ELFN1: variants seen among roughly 807,000 people sequenced by gnomAD.
ELFN1 encodes the protein protein ELFN1.
In ELFN1, 6 loss-of-function variants were observed where a neutral mutation model predicts 7.6. The ratio of observed to expected loss-of-function variants is 0.79; its 90% confidence interval spans 0.43 to 1.56. The LOEUF (loss-of-function observed/expected upper bound fraction) is 1.56, where lower values mean the gene tolerates loss of function less well. Among genes scored for constraint, ELFN1 ranks in the 40% most tolerant of loss-of-function variants. The pLI, the probability that ELFN1 is intolerant of heterozygous loss-of-function variation, is 0.01. For synonymous variants in ELFN1, 657 were observed against 588.1 expected, an observed-to-expected ratio of 1.12 and a Z score of -1.70; for missense variants, 1,169 against 1,232.2, an observed-to-expected ratio of 0.95 and a Z score of 0.77.
At chr7:1,679,834 C>G (rs1386137836) in intron 1 of ELFN1, among the ~76,000 whole-genome samples, 1 of 152,256 alleles carries the variant, frequency 6.6e-6, no homozygotes, top group African/African-American at 2.4e-5. Context: ...GTGGTGTCCC[C>G]AGTCCTCTGA....
chr7:1,707,687 C>T (rs1779564919), intron 2 of ELFN1, among the ~76,000 whole-genome samples: 1 of 152,228 alleles, frequency 6.6e-6, no homozygotes, highest in African/African-American at 2.4e-5. Flanking sequence ...CAAATACACA[C>T]CATTATTATT....
At position 1,740,550 on chromosome 7, in the gene ELFN1, A is replaced by C. The variant is rs1400792424; in HGVS notation, c.-293-3754A>C. On this transcript the variant is annotated intron_variant, in intron 3 of 3. Transcript: ENST00000424383. The surrounding 1 kb of genome is among the most constrained non-coding windows in gnomAD (Gnocchi z 5.0). ...GCATCGAGAGTGACTTGAGTGAGCG[A>C]GCCCAGCTGGAAAGGGCTTTGGGGG... 6.6e-6 allele frequency among the ~76,000 whole-genome samples: 1 copy of C among 152,154 alleles called. No homozygotes were observed. The highest frequency in any genetic ancestry group is 1.5e-5 in the Non-Finnish European group (1 of 68,020).
intron 2 of ELFN1, among the ~76,000 whole-genome samples, chr7:1,696,293 A>G (rs1317428304): frequency 6.7e-6 from 1 of 149,772 alleles, no homozygotes; most frequent in Non-Finnish European, 1.5e-5. Flanking sequence ...AGAGAGAGAG[A>G]GAGGGAGAGA....
At position 1,744,673 on chromosome 7, in the gene ELFN1, G is replaced by T. The variant is rs765480745; in HGVS notation, c.77G>T (p.Arg26Leu). The T allele has an allele frequency of 2.3e-5, 35 of 1,550,784 alleles. No individual in the cohort carries two copies. Among genetic ancestry groups the T allele is most frequent in the Non-Finnish European group, 3.0e-5 (34 of 1,146,830 alleles). ...CTGCTGCACGCTGGCGGCCTGGCCC[G>T]CGCAGACTGCTGGCTGATCGAGGGC... The part of the protein sequence containing the change: ...ATLLHAGGLA[R>L]ADCWLIEGDK... The change falls in exon 4 of 4, where the codon CGC becomes CTC. Residue 26 changes from arginine (R) to leucine (L), a missense_variant. Physicochemically the swap from Arg to Leu is moderately radical, Grantham distance 102. Around this residue, in one of 2 missense-constraint regions of ELFN1, gnomAD observed 255 missense variants for 359.6 expected, o/e 0.71. Coordinates refer to ENST00000424383, the MANE Select transcript of ELFN1 (RefSeq NM_001128636.4).
In ELFN1 at chr7:1,744,926, G is replaced by A. The variant is rs770198560; in HGVS notation, c.330G>A (p.Leu110=). ...GCGCCTTCTCGGGCCAGTTCAACCT[G>A]CAGGTGCTGCAGCTGGGCTACAACC... ...EDGAFSGQFN[L]QVLQLGYNRL... is the part of the protein sequence containing the mutation. The change falls in exon 4 of 4, where the codon CTG becomes CTA. Residue 110 remains leucine (L), a synonymous_variant. Coordinates refer to ENST00000424383, the MANE Select transcript of ELFN1 (RefSeq NM_001128636.4). 3 of 1,552,358 alleles carry A rather than the reference G, an allele frequency of 1.9e-6. No homozygotes were observed. In the African/African-American group the frequency reaches 4.1e-5, roughly 21 times the overall value.
rs965001598 is a variant in ELFN1 at position 1,740,570 on chromosome 7, T to TG, written c.-293-3727dup. Among the ~76,000 whole-genome samples, 13 of 152,092 alleles carry TG rather than the reference T, an allele frequency of 8.5e-5. No homozygotes were observed. The highest frequency in any genetic ancestry group is 2.0e-4 in the Admixed American group (3 of 15,272). ...GAGCGAGCCCAGCTGGAAAGGGCTTTGGGGGGGCCTGTGGTCTGTCCAGAA... is the reference window on the plus strand; with the variant it reads ...GAGCGAGCCCAGCTGGAAAGGGCTTTGGGGGGGGCCTGTGGTCTGTCCAGAA... On this transcript the variant is annotated intron_variant, in intron 3 of 3. Transcript: ENST00000424383. This position sits in a 1 kb window ranked among gnomAD's most constrained non-coding sequence, Gnocchi z 5.0.
At chr7:1,685,221 A>G (rs181167771) in intron 1 of ELFN1, among the ~76,000 whole-genome samples, 2 of 152,278 alleles carry the variant, frequency 1.3e-5, no homozygotes, top group African/African-American at 4.8e-5. Flanking sequence ...GACACTGTGA[A>G]TCAATTTTCT....
At chr7:1,675,315 C>A (rs1284602166) in intron 1 of ELFN1, among the ~76,000 whole-genome samples, 1 of 152,212 alleles carries the variant, frequency 6.6e-6, no homozygotes, top group African/African-American at 2.4e-5. Context: ...GGCCAGGTGG[C>A]GGCCGAGGGC....
chr7:1,703,382 T>G (rs1214288154), intron 2 of ELFN1, among the ~76,000 whole-genome samples: 1 of 152,246 alleles, frequency 6.6e-6, no homozygotes, highest in Non-Finnish European at 1.5e-5. Flanking sequence ...TTATTTTTAT[T>G]TGGTCAAATC....
intron 3 of ELFN1, among the ~76,000 whole-genome samples, chr7:1,721,113 C>T (rs1334526204): frequency 6.6e-6 from 1 of 152,242 alleles, no homozygotes; most frequent in Non-Finnish European, 1.5e-5. Flanking sequence ...TCTGGCATTA[C>T]TGTAATGAGC....
chr7:1,700,271 T>A (rs1374110058), intron 2 of ELFN1, among the ~76,000 whole-genome samples: 1 of 152,156 alleles, frequency 6.6e-6, no homozygotes, highest in Non-Finnish European at 1.5e-5. Context: ...GTGAACTTTG[T>A]GTGAATGCAT....
At chr7:1,698,194 C>A (rs187736041) in intron 2 of ELFN1, among the ~76,000 whole-genome samples, 1 of 152,322 alleles carries the variant, frequency 6.6e-6, no homozygotes, top group Non-Finnish European at 1.5e-5. Flanking sequence ...GAACCTCAGC[C>A]TTCATTTCAG....
At chr7:1,712,355 C>T (rs1449385988) in intron 3 of ELFN1, among the ~76,000 whole-genome samples, 2 of 151,770 alleles carry the variant, frequency 1.3e-5, no homozygotes, top group East Asian at 1.9e-4. Flanking sequence ...CTCCTGACCT[C>T]GTGATCTGCC....
Position 1,747,943 on chromosome 7 carries a change from C to G in ELFN1, c.*860C>G, listed in dbSNP as rs1246051356. 3 of 160,962 alleles carry G rather than the reference C, an allele frequency of 1.9e-5. No homozygotes were observed. The highest frequency in any genetic ancestry group is 1.3e-4 in the Admixed American group (2 of 14,870). 10.0% of individuals were successfully genotyped at this position (160,962 alleles called of 1,614,324 possible). A position where few individuals can be genotyped will look rare whatever the true frequency, so the allele number is the denominator to read the frequency against. On this transcript the variant is annotated 3_prime_UTR_variant, in exon 4 of 4. Coordinates refer to ENST00000424383, the MANE Select transcript of ELFN1 (RefSeq NM_001128636.4). The stretch of plus-strand genomic sequence containing the variant: ...AAAAAATCTGCAAAGGAAAACAAAT[C>G]AAATGCTTGTTTGTCCTGGGTTTTT...
intron 3 of ELFN1, among the ~76,000 whole-genome samples, chr7:1,721,207 T>C (rs1780011654): frequency 6.6e-6 from 1 of 152,168 alleles, no homozygotes; most frequent in South Asian, 2.1e-4. Flanking sequence ...GGGAGGCAGT[T>C]ACATGGCTGA....
At chr7:1,714,807 C>T (rs937210190) in intron 3 of ELFN1, among the ~76,000 whole-genome samples, 15 of 152,338 alleles carry the variant, frequency 9.8e-5, no homozygotes, top group African/African-American at 2.9e-4. Context: ...AATTTGGCTG[C>T]GCAAGACAAA....
chr7:1,711,027 C>T (rs1268266333), intron 3 of ELFN1, among the ~76,000 whole-genome samples: 1 of 152,250 alleles, frequency 6.6e-6, no homozygotes, highest in Non-Finnish European at 1.5e-5. Flanking sequence ...GCTGCCCCGC[C>T]TGAGCCAGGA....
chr7:1,725,025 G>T (rs1780147744), intron 3 of ELFN1, among the ~76,000 whole-genome samples: 1 of 152,206 alleles, frequency 6.6e-6, no homozygotes, highest in Non-Finnish European at 1.5e-5. Context: ...AGCCCAGGAG[G>T]CAGAACAAGG....
chr7:1,713,228 C>A (rs1052548867), intron 3 of ELFN1, among the ~76,000 whole-genome samples: 1 of 152,212 alleles, frequency 6.6e-6, no homozygotes, highest in African/African-American at 2.4e-5. Context: ...AGCCTCAGAG[C>A]CCGGCAGGTG....
Sources: allele counts gnomAD v4.1 joint callset (sites outside exome capture counted in the v4.1 genomes callset), GRCh38; gene constraint gnomAD v4.1.1; regional missense constraint gnomAD v4.1.1; non-coding constraint Gnocchi (gnomAD v3.1); transcripts MANE v1.5; gene names NCBI Gene and HGNC (gene_info 2026-07-23, HGNC 2026-07-21).